IQCM: variants seen among roughly 807,000 people sequenced by gnomAD.
The protein encoded by IQCM is IQ motif containing M.
IQCM carries 45 observed loss-of-function variants against 57.6 expected under a neutral mutation model. The ratio of observed to expected loss-of-function variants is 0.78; its 90% CI spans 0.62 to 1.00. IQCM has a LOEUF of 1.00. Among genes scored for constraint, IQCM ranks in the 50% least tolerant of loss-of-function variants. The pLI is 0.00. For missense variants in IQCM, 468 were observed against 511.6 expected (o/e 0.91, Z 0.82); for synonymous variants, 148 against 158.9 (o/e 0.93, Z 0.51).
At chr4:149,397,566 G>T (rs182626879) in intron 13 of IQCM, among the ~76,000 whole-genome samples, 17 of 152,028 alleles carry the variant, frequency 1.1e-4, no homozygotes, top group East Asian at 5.9e-4. Context: ...TTTGCCTTCT[G>T]CCATGATTGT....
rs538293772 is a variant in IQCM, at chr4:149,470,684, T to G, written c.1229-37127A>C. Reference sequence around the variant, plus strand: ...ACAGAATATACATTCTTCTCAGCAATACATCACACTTATTCCAAAATTGAC... The same window carrying G: ...ACAGAATATACATTCTTCTCAGCAAGACATCACACTTATTCCAAAATTGAC... On this transcript the variant is annotated intron_variant, in intron 12 of 13. Transcript: ENST00000636793. Among the ~76,000 whole-genome samples the G allele has an allele frequency of 1.9e-3, 291 of 152,190 alleles. 4 individuals carry two copies. Among genetic ancestry groups the G allele is most frequent in the African/African-American group, 6.7e-3 (280 of 41,528 alleles).
intron 2 of IQCM, among the ~76,000 whole-genome samples, chr4:149,743,899 G>A (rs1056906140): frequency 2.6e-5 from 4 of 152,178 alleles, no homozygotes; most frequent in Admixed American, 2.0e-4. Flanking sequence ...AATTAGAAAT[G>A]GGAATATTAA....
chr4:149,621,107 A>G, intron 8 of IQCM, 22 bp downstream of exon 8: 1 of 1,092,782 alleles, frequency 9.2e-7, no homozygotes, highest in Non-Finnish European at 1.2e-6. Context: ...TCAAATCTAC[A>G]TCCAGTTTTA....
At chr4:149,753,516 T>A (rs1446082507) in intron 2 of IQCM, among the ~76,000 whole-genome samples, 26 of 150,240 alleles carry the variant, frequency 1.7e-4, no homozygotes, top group Admixed American at 1.7e-3. Flanking sequence ...CACTAAGGAG[T>A]TTCCCAGAAG....
chr4:149,459,508 T>C (rs1738047985), intron 12 of IQCM, among the ~76,000 whole-genome samples: 1 of 152,172 alleles, frequency 6.6e-6, no homozygotes, highest in African/African-American at 2.4e-5. Flanking sequence ...TGGTATTAAA[T>C]GCATTTTTAA....
chr4:149,735,156 C>G (rs1766819315), intron 4 of IQCM, among the ~76,000 whole-genome samples: 1 of 152,092 alleles, frequency 6.6e-6, no homozygotes, highest in South Asian at 2.1e-4. Context: ...ACAAATTAAA[C>G]ACATTTGTAT....
intron 13 of IQCM, among the ~76,000 whole-genome samples, chr4:149,406,037 T>C (rs1732958552): frequency 6.6e-6 from 1 of 151,776 alleles, no homozygotes; most frequent in African/African-American, 2.4e-5. Flanking sequence ...TTTATGAACT[T>C]TGGCCCTTTG....
intron 8 of IQCM, among the ~76,000 whole-genome samples, chr4:149,611,421 T>C (rs1347936739): frequency 6.6e-6 from 1 of 152,036 alleles, no homozygotes; most frequent in African/African-American, 2.4e-5. Flanking sequence ...ATCCAAGATA[T>C]AGTATCAACC....
chr4:149,784,411 C>T (rs115439482), intron 2 of IQCM, among the ~76,000 whole-genome samples: 1 of 152,178 alleles, frequency 6.6e-6, no homozygotes, highest in Non-Finnish European at 1.5e-5. Flanking sequence ...CATTTTGTTG[C>T]AGACACCTTC....
At chr4:149,707,862 T>C (rs1025562443) in intron 5 of IQCM, among the ~76,000 whole-genome samples, 1 of 152,040 alleles carries the variant, frequency 6.6e-6, no homozygotes, top group African/African-American at 2.4e-5. Context: ...AGTAAATGTA[T>C]GATTGTTAGG....
rs2149908167 is a variant in IQCM at position 149,553,292 on chromosome 4, A to C, written c.949-5T>G. The C allele has an allele frequency of 4.1e-6, 5 of 1,231,696 alleles. No homozygotes were observed. The East Asian group carries it at 1.6e-4, about 39-fold the overall frequency. The allele number at this position is 1,231,696 out of a possible 1,614,324, so 76.3% of individuals were successfully genotyped here. On this transcript the variant is annotated splice_region_variant and splice_polypyrimidine_tract_variant and intron_variant, in intron 10 of 13. Coordinates refer to ENST00000636793, the MANE Select transcript of IQCM (RefSeq NM_001363507.2). ...ATCTGGTCCATGATCCAAAGCCTAC[A>C]AAGACAGAAAAGCTCCTTATATATT...
Position 149,717,449 on chromosome 4 carries a change from T to C in IQCM, c.385+15795A>G, listed in dbSNP as rs961180132. ...TAGCAGAGGATAGAAGAAACACACT[T>C]TGTTTTTCCCTTTATAGCTGAGAAA... On this transcript the variant is annotated intron_variant, in intron 5 of 13. Transcript: ENST00000636793. Among the ~76,000 whole-genome samples the C allele has an allele frequency of 3.3e-5, 5 of 152,322 alleles. No homozygotes were observed. The East Asian group carries it at 9.7e-4, about 29-fold the overall frequency.
chr4:149,539,567 T>TA (rs1747647297), intron 12 of IQCM, among the ~76,000 whole-genome samples: 1 of 152,050 alleles, frequency 6.6e-6, no homozygotes. Flanking sequence ...ATTGAGATGT[T>TA]AAAAAATAAA....
intron 12 of IQCM, among the ~76,000 whole-genome samples, chr4:149,492,913 C>A (rs1370038886): frequency 2.0e-5 from 3 of 152,150 alleles, no homozygotes; most frequent in Non-Finnish European, 4.4e-5. Flanking sequence ...GGGCAGAGAT[C>A]CTCCCAGTCA....
intron 12 of IQCM, among the ~76,000 whole-genome samples, chr4:149,519,241 A>G (rs1338295969): frequency 6.6e-6 from 1 of 151,948 alleles, no homozygotes; most frequent in African/African-American, 2.4e-5. Flanking sequence ...TGACTGTACC[A>G]TTTTGAATCA....
intron 13 of IQCM, among the ~76,000 whole-genome samples, chr4:149,375,361 A>G (rs959407085): frequency 2.0e-5 from 3 of 152,138 alleles, no homozygotes; most frequent in Non-Finnish European, 2.9e-5. Context: ...GAAGGAAGGG[A>G]GGAAGCAGAG....
At chr4:149,466,305 G>A (rs1738852409) in intron 12 of IQCM, among the ~76,000 whole-genome samples, 1 of 152,066 alleles carries the variant, frequency 6.6e-6, no homozygotes, top group Non-Finnish European at 1.5e-5. Flanking sequence ...TCATAATTGA[G>A]GTCTAACAAT....
intron 12 of IQCM, among the ~76,000 whole-genome samples, chr4:149,449,225 CA>C (rs1736828477): frequency 2.2e-5 from 3 of 136,528 alleles, no homozygotes; most frequent in Non-Finnish European, 4.7e-5. Flanking sequence ...AAGTATCTAT[CA>C]AAACAAACAA....
intron 8 of IQCM, among the ~76,000 whole-genome samples, chr4:149,606,468 G>A (rs962789237): frequency 6.6e-6 from 1 of 152,072 alleles, no homozygotes; most frequent in African/African-American, 2.4e-5. Flanking sequence ...CACAAAGGTT[G>A]AAATAAATAC....
Sources: allele counts gnomAD v4.1 joint callset (sites outside exome capture counted in the v4.1 genomes callset), GRCh38; gene constraint gnomAD v4.1.1; transcripts MANE v1.5; gene names NCBI Gene and HGNC (gene_info 2026-07-23, HGNC 2026-07-21).